PCDHGB2: variants seen among roughly 807,000 people sequenced by gnomAD.
PCDHGB2 encodes the protein protocadherin gamma subfamily B, 2, also known as protocadherin gamma-B2.
PCDHGB2 carries 55 observed loss-of-function variants against 59.3 expected under a neutral mutation model. The observed-to-expected ratio is 0.93, with a 90% confidence interval of 0.75 to 1.16. PCDHGB2 has a LOEUF of 1.16. Ranked by LOEUF, PCDHGB2 falls within the 50% of genes most tolerant of loss-of-function variation. The probability of loss-of-function intolerance (pLI) is 0.00; values close to 1 mark genes in which losing one functional copy is unlikely to be tolerated. For missense variants in PCDHGB2, 1,228 were observed against 1,198.5 expected (o/e 1.02, Z -0.36); for synonymous variants, 516 against 512.0 (o/e 1.01, Z -0.11).
chr5:141,430,913 C>A (rs1485488693), intron 1 of PCDHGB2: 1 of 1,607,720 alleles, frequency 6.2e-7, no homozygotes, highest in East Asian at 2.2e-5. Context: ...CTCCAGGGAC[C>A]TGGGGCTGGA....
chr5:141,368,584 T>C (rs988612608), intron 1 of PCDHGB2, among the ~76,000 whole-genome samples: 1 of 152,088 alleles, frequency 6.6e-6, no homozygotes, highest in African/African-American at 2.4e-5. Context: ...GGGTAAGGTG[T>C]TTGGGAAAAA....
chr5:141,508,550 G>T (rs1440375100), intron 3 of PCDHGB2, among the ~76,000 whole-genome samples: 3 of 152,138 alleles, frequency 2.0e-5, no homozygotes, highest in Non-Finnish European at 1.5e-5. Flanking sequence ...GGTGGGCGGG[G>T]GATGGCTTTG....
intron 1 of PCDHGB2, chr5:141,405,417 TTTTTG>T (rs767701229): frequency 7.0e-6 from 11 of 1,563,080 alleles, no homozygotes; most frequent in Non-Finnish European, 8.7e-6. Flanking sequence ...CTTTTTTTGT[TTTTTG>T]TTTTGTTTTG....
At chr5:141,423,354 C>A in intron 1 of PCDHGB2, 1 of 1,614,202 alleles carries the variant, frequency 6.2e-7, no homozygotes. Context: ...TGGTCTTTGT[C>A]ATCGTGCTGC....
chr5:141,366,205 G>T (rs1203198525), intron 1 of PCDHGB2: 2 of 1,613,726 alleles, frequency 1.2e-6, no homozygotes, highest in Non-Finnish European at 1.7e-6. Flanking sequence ...ACACGGGCGA[G>T]GTGCGCACAG....
chr5:141,492,398 C>T (rs1347317333), intron 1 of PCDHGB2, among the ~76,000 whole-genome samples: 2 of 152,244 alleles, frequency 1.3e-5, no homozygotes, highest in Non-Finnish European at 1.5e-5. Flanking sequence ...CCACTCGCAG[C>T]TCCCCTCTGC....
chr5:141,511,486 TC>T lies in PCDHGB2; in HGVS notation c.*315del. The T allele has an allele frequency of 2.2e-6, 1 of 449,906 alleles. No homozygotes were observed. 27.9% of individuals were successfully genotyped at this position (449,906 alleles called of 1,614,324 possible). A position where few individuals can be genotyped will look rare whatever the true frequency, so the allele number is the denominator to read the frequency against. On this transcript the variant is annotated 3_prime_UTR_variant, in exon 4 of 4. Transcript: ENST00000522605. ...CCCCGTTTAGTTACAGCTGAACTCC[TC>T]CATCTTCCAAATCAATCAGGCCCAT...
chr5:141,365,660 G>A (rs752963380), intron 1 of PCDHGB2: 2 of 1,613,380 alleles, frequency 1.2e-6, no homozygotes, highest in Non-Finnish European at 1.7e-6. Context: ...GAAAGTAGCA[G>A]ACGTTAATGA....
At chr5:141,399,196 G>A (rs201540226) in intron 1 of PCDHGB2, 2 of 1,613,938 alleles carry the variant, frequency 1.2e-6, no homozygotes, top group Non-Finnish European at 1.7e-6. Flanking sequence ...GGAAAACGCG[G>A]TGCCTGGAAC....
intron 1 of PCDHGB2, chr5:141,409,843 C>G: frequency 6.2e-7 from 1 of 1,611,804 alleles, no homozygotes; most frequent in Non-Finnish European, 8.5e-7. Context: ...CCAACGTGAG[C>G]CTGCGCGTGT....
intron 3 of PCDHGB2, among the ~76,000 whole-genome samples, chr5:141,506,282 C>G (rs1422321122): frequency 6.6e-6 from 1 of 152,040 alleles, no homozygotes; most frequent in East Asian, 1.9e-4. Flanking sequence ...AACCCTGTCT[C>G]TACTAAAAAT....
In PCDHGB2 at chr5:141,389,793, C is replaced by T. The variant is rs773579820; in HGVS notation, c.2421+27237C>T. On this transcript the variant is annotated intron_variant, in intron 1 of 3. Coordinates refer to ENST00000522605, the MANE Select transcript of PCDHGB2 (RefSeq NM_018923.3). Reference sequence around the variant, plus strand: ...TGCCTTAGGCGACAGGGACGCCGTCCGCCAGCGCCTTCTGGTCGCCGTGCG... The same window carrying T: ...TGCCTTAGGCGACAGGGACGCCGTCTGCCAGCGCCTTCTGGTCGCCGTGCG... 8.7e-6 allele frequency: 14 copies of T among 1,613,452 alleles called. No homozygotes were observed. The Admixed American group carries it at 1.8e-4, about 21-fold the overall frequency.
intron 1 of PCDHGB2, chr5:141,421,172 G>T: frequency 7.3e-7 from 1 of 1,366,164 alleles, no homozygotes. Flanking sequence ...AGATACATAA[G>T]CCGATTCACA....
rs1431516547 is a variant in PCDHGB2, at chr5:141,361,467, C to G, written c.1332C>G (p.Asp444Glu). The G allele has an allele frequency of 5.6e-6, 9 of 1,613,928 alleles. No individual in the cohort carries two copies. The highest frequency in any genetic ancestry group is 7.6e-6 in the Non-Finnish European group (9 of 1,179,906). ...TAATTGTCACCCTGCACATCTCCGA[C>G]GTCAACGATAATGCCCCAGTTTTCC... ...SSIIVTLHIS[D>E]VNDNAPVFQQ... Residue 444 changes from aspartate (D) to glutamate (E), a missense_variant, in exon 1 of 4, where the codon GAC becomes GAG. Physicochemically the swap from Asp to Glu is conservative, Grantham distance 45 (BLOSUM62 2). Around this residue, in one of 3 missense-constraint regions of PCDHGB2, gnomAD observed 781 missense variants for 721.6 expected, o/e 1.08. Transcript: ENST00000522605.
chr5:141,423,551 A>T, intron 1 of PCDHGB2: 2 of 1,613,616 alleles, frequency 1.2e-6, no homozygotes, highest in Non-Finnish European at 1.7e-6. Context: ...CCCCAGCCCA[A>T]CTATGGGGAC....
rs1386737349 is a variant in PCDHGB2 at position 141,486,423 on chromosome 5, C to T, written c.2422-8384C>T. The T allele has an allele frequency of 6.2e-7, 1 of 1,614,042 alleles. No individual in the cohort carries two copies. The highest frequency in any genetic ancestry group is 8.5e-7 in the Non-Finnish European group (1 of 1,180,030). ...ACTGCTGGACCCTTGGATCGAGAGG[C>T]CAAATCTAGCTATGACATCATGGTC... is the stretch of plus-strand genomic sequence containing the variant. On this transcript the variant is annotated intron_variant, in intron 1 of 3. Transcript: ENST00000522605. The surrounding 1 kb of genome is among the most constrained non-coding windows in gnomAD (Gnocchi z 5.0).
At chr5:141,413,524 A>G (rs772774054) in intron 1 of PCDHGB2, 7 of 1,613,974 alleles carry the variant, frequency 4.3e-6, no homozygotes, top group Non-Finnish European at 5.9e-6. Flanking sequence ...TGTGGAAGAC[A>G]GGGTGAAACT....
intron 1 of PCDHGB2, among the ~76,000 whole-genome samples, chr5:141,464,404 T>G (rs1224596546): frequency 6.6e-6 from 1 of 151,532 alleles, no homozygotes; most frequent in African/African-American, 2.4e-5. Flanking sequence ...GAACCTGAGA[T>G]ATATATATAT....
intron 1 of PCDHGB2, chr5:141,367,403 G>GTT (rs1765106361): frequency 2.0e-5 from 3 of 152,234 alleles, no homozygotes; most frequent in African/African-American, 7.2e-5. Context: ...CGGGCGTGGT[G>GTT]GCAGGCGCCT....
Sources: gnomAD v4.1 joint callset for allele counts (sites outside exome capture counted in the v4.1 genomes callset) on GRCh38, gnomAD v4.1.1 for gene constraint, gnomAD v4.1.1 regional missense constraint, Gnocchi (gnomAD v3.1) non-coding constraint, MANE v1.5 for transcripts, NCBI Gene and HGNC (gene_info 2026-07-23, HGNC 2026-07-21) for gene names.